Variants in SPATA13 observed in about 807,000 individuals in gnomAD.
SPATA13 encodes spermatogenesis associated 13, also known as spermatogenesis-associated protein 13.
SPATA13 carries 50 observed loss-of-function variants against 104.0 expected under a neutral mutation model. The ratio of observed to expected loss-of-function variants is 0.48; its 90% CI spans 0.38 to 0.61. The LOEUF (loss-of-function observed/expected upper bound fraction) is 0.61, where lower values mean the gene tolerates loss of function less well. Ranked by LOEUF, SPATA13 falls within the 20% of genes least tolerant of loss-of-function variation. The pLI is 0.00. For missense variants in SPATA13, 1,524 were observed against 1,690.6 expected, an observed-to-expected ratio of 0.90 and a Z score of 1.73; for synonymous variants, 606 against 667.5, an observed-to-expected ratio of 0.91 and a Z score of 1.42.
intron 11 of SPATA13, among the ~76,000 whole-genome samples, chr13:24,298,019 T>A (rs996972987): frequency 1.3e-5 from 2 of 152,214 alleles, no homozygotes; most frequent in Admixed American, 6.5e-5. Flanking sequence ...TATGAAGTGG[T>A]TGCTGTTATT....
intron 3 of SPATA13, among the ~76,000 whole-genome samples, chr13:24,038,004 C>CG (rs954315575): frequency 2.0e-5 from 3 of 151,810 alleles, no homozygotes; most frequent in Admixed American, 2.0e-4. Flanking sequence ...CTCTACCTCC[C>CG]GGGTTCACGC....
intron 3 of SPATA13, among the ~76,000 whole-genome samples, chr13:24,020,686 T>C (rs191530335): frequency 3.4e-4 from 52 of 152,318 alleles, no homozygotes; most frequent in South Asian, 1.4e-3. Context: ...TTCAGTTAAA[T>C]TCAATGAATA....
intron 1 of SPATA13, among the ~76,000 whole-genome samples, chr13:24,222,539 C>T (rs911582524): frequency 1.3e-5 from 2 of 152,212 alleles, no homozygotes; most frequent in South Asian, 2.1e-4. Context: ...TTCATTCCAG[C>T]GGTTTTTTTC....
chr13:24,009,170 GAC>G (rs553810472), intron 2 of SPATA13, among the ~76,000 whole-genome samples: 55 of 152,348 alleles, frequency 3.6e-4, no homozygotes, highest in Non-Finnish European at 3.8e-4. Context: ...TCCTGGAGCT[GAC>G]ACATTTAGTT....
intron 1 of SPATA13, among the ~76,000 whole-genome samples, chr13:24,168,563 G>A (rs1215249071): frequency 2.7e-5 from 4 of 149,334 alleles, no homozygotes; most frequent in African/African-American, 2.6e-5. Context: ...CTTTTGTATC[G>A]CAGCACACAA....
chr13:24,125,051 A>G (rs1881164398), intron 3 of SPATA13, among the ~76,000 whole-genome samples: 1 of 152,154 alleles, frequency 6.6e-6, no homozygotes. Context: ...TCTCCCCGGT[A>G]TTTCTCCCAA....
At chr13:24,271,011 ACT>A (rs1874561615) in intron 4 of SPATA13, 3 of 663,304 alleles carry the variant, frequency 4.5e-6, no homozygotes, top group South Asian at 1.6e-5. Context: ...CTCTCTCTCC[ACT>A]CTCTCTCACT....
intron 1 of SPATA13, among the ~76,000 whole-genome samples, chr13:24,200,879 A>G (rs1870358702): frequency 6.6e-6 from 1 of 152,114 alleles, no homozygotes; most frequent in African/African-American, 2.4e-5. Flanking sequence ...TTCACGTAAT[A>G]GTCAAAATAA....
At chr13:23,997,195 T>C (rs1875735302) in intron 2 of SPATA13, among the ~76,000 whole-genome samples, 1 of 152,254 alleles carries the variant, frequency 6.6e-6, no homozygotes, top group Non-Finnish European at 1.5e-5. Flanking sequence ...TCCATTTTTA[T>C]CTTTTCTTCA....
At chr13:23,991,224 G>A (rs7332038) in intron 2 of SPATA13, among the ~76,000 whole-genome samples, 1 of 152,180 alleles carries the variant, frequency 6.6e-6, no homozygotes, top group African/African-American at 2.4e-5. Context: ...AGGGCAGCCC[G>A]TCTAAGAACC....
chr13:24,111,772 G>C (rs1293986586), intron 3 of SPATA13, among the ~76,000 whole-genome samples: 1 of 152,166 alleles, frequency 6.6e-6, no homozygotes, highest in Non-Finnish European at 1.5e-5. Flanking sequence ...AACCATCCTT[G>C]CATTTCCTAC....
At chr13:24,254,139 A>G (rs1873658752) in intron 4 of SPATA13, among the ~76,000 whole-genome samples, 1 of 152,002 alleles carries the variant, frequency 6.6e-6, no homozygotes, top group Admixed American at 6.6e-5. Context: ...GTGGGTGCTC[A>G]TTTTCCCAGT....
At chr13:24,189,993 A>AT (rs1869514700) in intron 1 of SPATA13, among the ~76,000 whole-genome samples, 1 of 19,148 alleles carries the variant, frequency 5.2e-5, no homozygotes, top group African/African-American at 9.2e-5. Flanking sequence ...ATAATTATAT[A>AT]ACATATAATA....
chr13:24,038,789 G>A (rs1353210100), intron 3 of SPATA13, among the ~76,000 whole-genome samples: 2 of 152,168 alleles, frequency 1.3e-5, no homozygotes, highest in African/African-American at 4.8e-5. Flanking sequence ...TCACTAGGAC[G>A]CAGGAGTTAT....
At chr13:24,179,454 G>A (rs747750338) in intron 1 of SPATA13, among the ~76,000 whole-genome samples, 92 of 152,170 alleles carry the variant, frequency 6.0e-4, no homozygotes, top group Non-Finnish European at 8.1e-4. Flanking sequence ...TTTAAAAATT[G>A]TGGTAAAATG....
Position 24,249,643 on chromosome 13 carries a change from C to G in SPATA13, c.1820C>G (p.Ser607Trp). Reference protein sequence around the residue: ...ASRSLSIPEDSVAADPQKEDR... With the variant: ...ASRSLSIPEDWVAADPQKEDR... ...CGCAGTTTGTCTATTCCTGAAGACT[C>G]GGTTGCTGCAGACCCCCAGAAGGAA... Residue 607 changes from serine to tryptophan, a missense_variant, in exon 3 of 13, where the codon TCG (serine) becomes TGG (tryptophan). Physicochemically the swap from Ser to Trp is radical, Grantham distance 177 (BLOSUM62 -3). Coordinates refer to ENST00000382108, the MANE Select transcript of SPATA13 (RefSeq NM_001166271.3). 6.2e-7 allele frequency: 1 copy of G among 1,613,490 alleles called. No homozygotes were observed. The highest frequency in any genetic ancestry group is 8.5e-7 in the Non-Finnish European group (1 of 1,179,772).
intron 3 of SPATA13, among the ~76,000 whole-genome samples, chr13:24,152,525 T>A (rs1882126522): frequency 6.6e-6 from 1 of 152,216 alleles, no homozygotes; most frequent in Non-Finnish European, 1.5e-5. Flanking sequence ...CCCAGTGAGG[T>A]CTTGCACAGC....
intron 2 of SPATA13, among the ~76,000 whole-genome samples, chr13:24,225,699 A>G (rs151171301): frequency 3.2e-4 from 49 of 152,268 alleles, no homozygotes; most frequent in African/African-American, 1.1e-3. Context: ...TGGGAGGGTT[A>G]TAGTGTTACA....
intron 4 of SPATA13, among the ~76,000 whole-genome samples, chr13:24,272,379 TG>T (rs553901414): frequency 2.2e-4 from 33 of 152,342 alleles, no homozygotes; most frequent in Non-Finnish European, 4.0e-4. Flanking sequence ...GAGAGGGGCC[TG>T]GGTCAGTGCA....
Sources: gnomAD v4.1 joint callset for allele counts (sites outside exome capture counted in the v4.1 genomes callset) on GRCh38, gnomAD v4.1.1 for gene constraint, MANE v1.5 for transcripts, NCBI Gene and HGNC (gene_info 2026-07-23, HGNC 2026-07-21) for gene names.